The following ZBBX variants were observed in gnomAD, a reference collection of about 807,000 sequenced individuals.
ZBBX encodes zinc finger B-box domain-containing protein 1.
Under a neutral mutation model 108.5 loss-of-function variants are expected in ZBBX, and 101 were observed. The observed-to-expected ratio is 0.93, with a 90% CI of 0.79 to 1.10. The LOEUF (loss-of-function observed/expected upper bound fraction) is 1.10, where lower values mean the gene tolerates loss of function less well. Among genes scored for constraint, ZBBX ranks in the 50% least tolerant of loss-of-function variants. The pLI is 0.00. For synonymous variants in ZBBX, 356 were observed against 323.4 expected, an observed-to-expected ratio of 1.10 and a Z score of -1.08; for missense variants, 1,009 against 941.4, an observed-to-expected ratio of 1.07 and a Z score of -0.94.
chr3:167,178,876 C>T, the ZBBX span, among the ~76,000 whole-genome samples: 1 of 151,998 alleles, frequency 6.6e-6, no homozygotes, highest in African/African-American at 2.4e-5. Context: ...TGCCTTAGTC[C>T]CTGTCTCCCC....
chr3:167,348,469 AAGAG>A (rs145487212), intron 9 of ZBBX, among the ~76,000 whole-genome samples: 2 of 149,928 alleles, frequency 1.3e-5, no homozygotes, highest in African/African-American at 4.9e-5. Flanking sequence ...GAAAGAAAGA[AAGAG>A]AGAGAAGGAA....
chr3:167,233,939 G>C, the ZBBX span, among the ~76,000 whole-genome samples: 3 of 151,646 alleles, frequency 2.0e-5, no homozygotes, highest in East Asian at 3.9e-4. Context: ...AAACTGTTAT[G>C]GTAGAATTCT....
downstream of ZBBX, among the ~76,000 whole-genome samples, chr3:167,238,918 T>A: frequency 6.6e-6 from 1 of 152,284 alleles, no homozygotes; most frequent in East Asian, 1.9e-4. Context: ...CTGGCTGTAT[T>A]GGGTTCTCCA....
the ZBBX span, among the ~76,000 whole-genome samples, chr3:167,226,288 C>A: frequency 6.6e-6 from 1 of 151,764 alleles, no homozygotes; most frequent in Admixed American, 6.6e-5. Context: ...ATTTATAGGT[C>A]TTTTGTAACC....
chr3:167,264,519 G>A (rs2108438592), intron 20 of ZBBX, among the ~76,000 whole-genome samples: 1 of 152,244 alleles, frequency 6.6e-6, no homozygotes, highest in Admixed American at 6.5e-5. Context: ...TTTAAACTAT[G>A]AACCTGCTTT....
At chr3:167,237,257 T>C (rs954860758), downstream of ZBBX, among the ~76,000 whole-genome samples, 5 of 151,880 alleles carry the variant, frequency 3.3e-5, no homozygotes, top group Non-Finnish European at 7.4e-5. Flanking sequence ...CTTCAATGAA[T>C]ATAAAAAATA....
the ZBBX span, among the ~76,000 whole-genome samples, chr3:167,192,897 G>A: frequency 6.6e-6 from 1 of 152,256 alleles, no homozygotes; most frequent in Non-Finnish European, 1.5e-5. Flanking sequence ...AGAGATCACA[G>A]AGTTTACTTT....
At chr3:167,191,928 T>TAGAGAG in the ZBBX span, among the ~76,000 whole-genome samples, 2 of 125,770 alleles carry the variant, frequency 1.6e-5, no homozygotes, top group African/African-American at 6.8e-5. Context: ...TATATATATA[T>TAGAGAG]ATATATAGAG....
chr3:167,259,253 G>A (rs1252157340), intron 20 of ZBBX, among the ~76,000 whole-genome samples: 1 of 152,114 alleles, frequency 6.6e-6, no homozygotes, highest in African/African-American at 2.4e-5. Flanking sequence ...TCTAGTTTAT[G>A]CGGGTAAAGC....
intron 15 of ZBBX, among the ~76,000 whole-genome samples, chr3:167,314,825 A>T (rs898837561): frequency 6.6e-6 from 1 of 152,182 alleles, no homozygotes; most frequent in Non-Finnish European, 1.5e-5. Context: ...AACACCTTAC[A>T]TAGGAGTCAA....
chr3:167,239,791 T>C (rs946132803), downstream of ZBBX, among the ~76,000 whole-genome samples: 3 of 152,076 alleles, frequency 2.0e-5, no homozygotes, highest in Admixed American at 6.6e-5. Context: ...ACAAAGTATA[T>C]GGTGTATTAG....
chr3:167,293,215 C>G (rs149527395), intron 18 of ZBBX, among the ~76,000 whole-genome samples: 166 of 152,284 alleles, frequency 1.1e-3, no homozygotes, highest in African/African-American at 3.9e-3. Context: ...CCAGCATCAT[C>G]CTGATACCAA....
intron 20 of ZBBX, chr3:167,252,217 A>C: frequency 7.0e-6 from 9 of 1,285,656 alleles, no homozygotes; most frequent in Non-Finnish European, 9.1e-6. Flanking sequence ...GCATCCTAGA[A>C]ATAGCAGAAA....
intron 8 of ZBBX, among the ~76,000 whole-genome samples, chr3:167,354,430 A>G (rs1187927271): frequency 6.6e-6 from 1 of 151,930 alleles, no homozygotes; most frequent in Admixed American, 6.6e-5. Context: ...ATGTATCAAA[A>G]TCCAAATGTA....
chr3:167,377,757 A>G (rs527646589), intron 2 of ZBBX, among the ~76,000 whole-genome samples: 32 of 152,244 alleles, frequency 2.1e-4, no homozygotes, highest in Middle Eastern at 3.4e-3. Flanking sequence ...CTTGTGCTGG[A>G]GTGTCCTACT....
intron 10 of ZBBX, among the ~76,000 whole-genome samples, chr3:167,328,909 C>T (rs375034185): frequency 1.3e-5 from 2 of 152,320 alleles, no homozygotes; most frequent in East Asian, 3.9e-4. Context: ...CCTCCCATTA[C>T]TTACTCCCAT....
chr3:167,192,641 T>G, the ZBBX span, among the ~76,000 whole-genome samples: 1 of 152,162 alleles, frequency 6.6e-6, no homozygotes, highest in African/African-American at 2.4e-5. Flanking sequence ...TTTCTCTATC[T>G]TATAGGTAAT....
intron 6 of ZBBX, among the ~76,000 whole-genome samples, chr3:167,363,192 T>C (rs1310159925): frequency 7.9e-5 from 12 of 151,982 alleles, no homozygotes; most frequent in East Asian, 5.8e-4. Context: ...AAAATAATAC[T>C]ATAGAGCCTC....
At chr3:167,211,971 T>C in the ZBBX span, among the ~76,000 whole-genome samples, 1 of 152,144 alleles carries the variant, frequency 6.6e-6, no homozygotes, top group Admixed American at 6.5e-5. Flanking sequence ...ACAGCTGCAC[T>C]ATAAAAATGT....
Sources: allele counts gnomAD v4.1 joint callset (sites outside exome capture counted in the v4.1 genomes callset), GRCh38; gene constraint gnomAD v4.1.1; transcripts MANE v1.5; gene names NCBI Gene and HGNC (gene_info 2026-07-23, HGNC 2026-07-21).